The following EHD4 variants were observed in gnomAD, a reference collection of about 807,000 sequenced individuals.
EHD4 encodes the protein EH domain containing 4.
In EHD4, 37 loss-of-function variants were observed where a neutral mutation model predicts 51.0. The ratio of observed to expected loss-of-function variants is 0.73; its 90% CI spans 0.56 to 0.95. EHD4 has a LOEUF of 0.95. Among genes scored for constraint, EHD4 ranks in the 40% least tolerant of loss-of-function variants. The pLI, the probability that EHD4 is intolerant of heterozygous loss-of-function variation, is 0.00. For synonymous variants in EHD4, 297 were observed against 317.3 expected (o/e 0.94, Z 0.68); for missense variants, 632 against 733.1 (o/e 0.86, Z 1.59).
At chr15:41,944,865 C>A (rs533487091) in intron 2 of EHD4, among the ~76,000 whole-genome samples, 45 of 152,286 alleles carry the variant, frequency 3.0e-4, no homozygotes, top group Middle Eastern at 3.4e-3. Context: ...CCAATTTCCA[C>A]CTGTCTGCAG....
intron 2 of EHD4, among the ~76,000 whole-genome samples, chr15:41,950,187 A>AC (rs139933144): frequency 0.017 from 2,569 of 152,226 alleles, 85 homozygotes; most frequent in African/African-American, 0.059. Flanking sequence ...TGCACCATAG[A>AC]CCCCTTGTCG....
At chr15:41,905,963 T>C (rs753628836) in intron 5 of EHD4, among the ~76,000 whole-genome samples, 9 of 152,246 alleles carry the variant, frequency 5.9e-5, no homozygotes, top group South Asian at 2.1e-4. Flanking sequence ...TAAGCCACTA[T>C]GTCCAGCCTC....
intron 1 of EHD4, among the ~76,000 whole-genome samples, chr15:41,962,221 G>A (rs565820762): frequency 1.3e-5 from 2 of 152,328 alleles, no homozygotes; most frequent in East Asian, 3.9e-4. Context: ...ATGGATCCCA[G>A]TGGGATTTTT....
In EHD4 at chr15:41,900,895, G is replaced by A. The variant is rs1345286815; in HGVS notation, c.1376C>T (p.Ser459Leu). 5.6e-6 allele frequency: 9 copies of A among 1,614,154 alleles called. No homozygotes were observed. The highest frequency in any genetic ancestry group is 4.5e-5 in the East Asian group (2 of 44,880). Reference protein sequence around the residue: ...PVYDELFYTLSPINGKISGVN... With the variant: ...PVYDELFYTLLPINGKISGVN... ...ACCTGATATCTTGCCATTGATGGGC[G>A]ACAGAGTGTAGAAGAGCTCGTCGTA... Residue 459 changes from serine (S) to leucine (L), a missense_variant, in exon 6 of 6, where the codon TCG (serine) becomes TTG (leucine). Ser to Leu is a moderately radical substitution (Grantham distance 145). Transcript: ENST00000220325. This position sits in a 1 kb window ranked among gnomAD's most constrained non-coding sequence, Gnocchi z 4.8.
chr15:41,901,259 C>T, intron 5 of EHD4, 78 bp from the exon 6 acceptor site: 2 of 1,456,642 alleles, frequency 1.4e-6, no homozygotes, highest in Non-Finnish European at 9.1e-7. Flanking sequence ...TGGAGGGAGA[C>T]TAATTCTGCC....
At chr15:41,902,290 TC>T (rs1039031313) in intron 5 of EHD4, among the ~76,000 whole-genome samples, 8 of 146,412 alleles carry the variant, frequency 5.5e-5, no homozygotes, top group African/African-American at 1.7e-4. Flanking sequence ...CATCCATCCA[TC>T]CAACAACCCA....
At chr15:41,905,512 G>A (rs1305508123) in intron 5 of EHD4, among the ~76,000 whole-genome samples, 1 of 152,184 alleles carries the variant, frequency 6.6e-6, no homozygotes, top group Non-Finnish European at 1.5e-5. Context: ...ACAGGGCATG[G>A]GTCACTGACC....
intron 2 of EHD4, among the ~76,000 whole-genome samples, chr15:41,951,755 C>T (rs939355735): frequency 6.6e-6 from 1 of 152,232 alleles, no homozygotes; most frequent in African/African-American, 2.4e-5. Context: ...CCCTGGGCCA[C>T]TCTGTCCTGA....
chr15:41,949,301 CAGAGGT>C (rs2067837973), intron 2 of EHD4, among the ~76,000 whole-genome samples: 1 of 151,422 alleles, frequency 6.6e-6, no homozygotes, highest in Admixed American at 6.6e-5. Flanking sequence ...ACCCGGGAGG[CAGAGGT>C]TGCAGTGAGC....
At chr15:41,963,112 ATCACCACTCCCTAATC>A (rs1426081211) in intron 1 of EHD4, among the ~76,000 whole-genome samples, 5 of 152,280 alleles carry the variant, frequency 3.3e-5, no homozygotes, top group Admixed American at 1.3e-4. Context: ...CTTAAGAGTC[ATCACCACTCCCTAATC>A]TCAAGTACCC....
chr15:41,908,239 T>C (rs2067525424), intron 5 of EHD4: 1 of 152,204 alleles, frequency 6.6e-6, no homozygotes, highest in Non-Finnish European at 1.5e-5. Flanking sequence ...TGATTCACTC[T>C]GAATCCAGGT....
chr15:41,959,395 CAAAAAAAAAAAAA>C (rs36120701), intron 1 of EHD4, among the ~76,000 whole-genome samples: 6 of 66,412 alleles, frequency 9.0e-5, no homozygotes, highest in East Asian at 1.0e-3. Context: ...GACTTTGTCT[CAAAAAAAAAAAAA>C]AAAAAAAAAA....
chr15:41,900,051 A>G lies in EHD4; in HGVS notation c.*594T>C, dbSNP rs555060407. 1 of 152,798 alleles carries G rather than the reference A, an allele frequency of 6.5e-6. No individual in the cohort carries two copies. The highest frequency in any genetic ancestry group is 2.4e-5 in the African/African-American group (1 of 41,548). 9.5% of individuals were successfully genotyped at this position (152,798 alleles called of 1,614,324 possible). A position where few individuals can be genotyped will look rare whatever the true frequency, so the allele number is the denominator to read the frequency against. ...TGCTCTGCTGGAGACTGCAGAATGG[A>G]TGGCAGATCCACAGTGCATCCCCCT... On this transcript the variant is annotated 3_prime_UTR_variant, in exon 6 of 6. Coordinates refer to ENST00000220325, the MANE Select transcript of EHD4 (RefSeq NM_139265.4). This position sits in a 1 kb window ranked among gnomAD's most constrained non-coding sequence, Gnocchi z 4.8.
chr15:41,947,798 A>C (rs1362270896), intron 2 of EHD4, among the ~76,000 whole-genome samples: 1 of 152,156 alleles, frequency 6.6e-6, no homozygotes, highest in African/African-American at 2.4e-5. Context: ...AAGACTGCCA[A>C]TTTCATATGG....
At chr15:41,911,745 C>T (rs2067550936) in intron 4 of EHD4, among the ~76,000 whole-genome samples, 1 of 152,194 alleles carries the variant, frequency 6.6e-6, no homozygotes, top group African/African-American at 2.4e-5. Context: ...GTCTCCCAAA[C>T]ACAAGGGCTT....
chr15:41,952,933 T>C (rs572724307), intron 2 of EHD4, among the ~76,000 whole-genome samples: 1 of 134,592 alleles, frequency 7.4e-6, no homozygotes, highest in Non-Finnish European at 1.5e-5. Context: ...GAGGTTGCAG[T>C]GAGCGGAGAT....
intron 3 of EHD4, chr15:41,926,173 T>A (rs2067659665): frequency 6.6e-6 from 1 of 151,914 alleles, no homozygotes; most frequent in Admixed American, 6.6e-5. Context: ...CCTGGGTGAG[T>A]GAGGCCCTGT....
intron 3 of EHD4, among the ~76,000 whole-genome samples, chr15:41,922,100 A>G (rs764992696): frequency 1.2e-4 from 18 of 152,198 alleles, no homozygotes; most frequent in Non-Finnish European, 2.2e-4. Context: ...ATTGAAAGTG[A>G]TGATAAGGCT....
At chr15:41,905,243 A>G (rs1458846064) in intron 5 of EHD4, among the ~76,000 whole-genome samples, 1 of 152,202 alleles carries the variant, frequency 6.6e-6, no homozygotes, top group African/African-American at 2.4e-5. Flanking sequence ...GACAGGCTCC[A>G]GGCTGCCTTG....
Sources: allele counts gnomAD v4.1 joint callset (sites outside exome capture counted in the v4.1 genomes callset), GRCh38; gene constraint gnomAD v4.1.1; non-coding constraint Gnocchi (gnomAD v3.1); transcripts MANE v1.5; gene names NCBI Gene and HGNC (gene_info 2026-07-23, HGNC 2026-07-21).